ZSWIM8: variants seen among roughly 807,000 people sequenced by gnomAD.
ZSWIM8 encodes zinc finger SWIM domain-containing protein 8.
A neutral mutation model predicts 173.7 loss-of-function variants in ZSWIM8; 27 were observed. The observed-to-expected ratio is 0.16, with a 90% CI of 0.11 to 0.21. The LOEUF (loss-of-function observed/expected upper bound fraction) is 0.21. ZSWIM8 is among the 10% of genes least tolerant of loss of function. ZSWIM8 has a pLI of 1.00. For missense variants in ZSWIM8, 1,627 were observed against 2,428.8 expected, an observed-to-expected ratio of 0.67 and a Z score of 6.94; for synonymous variants, 958 against 962.0, an observed-to-expected ratio of 1.00 and a Z score of 0.08.
In ZSWIM8 at chr10:73,800,402, CGAG is replaced by C. The variant is rs765392520; in HGVS notation, c.4939_4941del (p.Glu1647del). 126 of 1,613,840 alleles carry C rather than the reference CGAG, an allele frequency of 7.8e-5. 3 individuals are homozygous for C. The highest frequency in any genetic ancestry group is 7.7e-4 in the South Asian group (70 of 91,082). ...TGGTGAGCGGAGGTTTTCCACCGCC[CGAG>C]GAGGAGACACACAGTCAGCCAGTCA... On this transcript the variant is annotated inframe_deletion, in exon 23 of 26. Transcript: ENST00000604729. The surrounding 1 kb of genome is among the most constrained non-coding windows in gnomAD (Gnocchi z 4.1).
In ZSWIM8 at chr10:73,792,226, C is replaced by T. The variant is rs373447983; in HGVS notation, c.1687C>T (p.Pro563Ser). The T allele has an allele frequency of 2.1e-5, 33 of 1,555,278 alleles. No homozygotes were observed. In the African/African-American group the frequency reaches 4.2e-4, roughly 20 times the overall value. Residue 563 changes from proline (P) to serine (S), a missense_variant, in exon 10 of 26, where the codon CCC (proline) becomes TCC (serine). Physicochemically the swap from Pro to Ser is moderately conservative, Grantham distance 74. Around this residue, in one of 18 missense-constraint regions of ZSWIM8, gnomAD observed 383 missense variants for 394.8 expected, o/e 0.97. Transcript: ENST00000604729. The surrounding 1 kb of genome is among the most constrained non-coding windows in gnomAD (Gnocchi z 4.3). ...GEGVPSSQRG[P>S]RRLSAEGGDK... ...GGGGGTCCCCTCATCACAGCGGGGT[C>T]CCCGCCGCCTCTCAGCTGAAGGGGG...
In ZSWIM8 at chr10:73,788,666, A is replaced by G. The variant is rs781136126; in HGVS notation, c.209-4A>G. 2.5e-6 allele frequency: 4 copies of G among 1,613,806 alleles called. No individual in the cohort carries two copies. Among genetic ancestry groups the G allele is most frequent in the Non-Finnish European group, 3.4e-6 (4 of 1,179,784 alleles). Reference sequence around the variant, plus strand: ...TCCCCTGATCCCAACCATTGTTTGCAAAGATGGACTGGTGATCCCATTGGT... The same window carrying G: ...TCCCCTGATCCCAACCATTGTTTGCGAAGATGGACTGGTGATCCCATTGGT... On this transcript the variant is annotated splice_region_variant and splice_polypyrimidine_tract_variant and intron_variant, in intron 1 of 25. Transcript: ENST00000604729.
chr10:73,790,376 G>A, intron 7 of ZSWIM8, 84 bp downstream of exon 7: 1 of 1,514,240 alleles, frequency 6.6e-7, no homozygotes, highest in Non-Finnish European at 8.8e-7. Flanking sequence ...TTCTATTCAT[G>A]CCTGTGACCC....
intron 19 of ZSWIM8, 74 bp from the exon 20 acceptor site, chr10:73,798,156 T>C (rs2083753997): frequency 6.3e-7 from 1 of 1,594,166 alleles, no homozygotes; most frequent in African/African-American, 1.3e-5. Flanking sequence ...ACTGATCTGA[T>C]AAAAAGACAT....
chr10:73,798,525 G>C, intron 20 of ZSWIM8, 72 bp downstream of exon 20: 1 of 1,381,286 alleles, frequency 7.2e-7, no homozygotes, highest in East Asian at 2.4e-5. Flanking sequence ...GGAAAGCTAA[G>C]GGCCCAGCTC....
chr10:73,788,803 T>C lies in ZSWIM8; in HGVS notation c.342T>C (p.Pro114=). ...LQLRIAFWSF[P]ENEEDIRLYS... ...TCCGAATTGCTTTTTGGAGCTTCCC[T>C]GAGAATGAAGAGGACATTCGGTGAG... The change falls in exon 2 of 26, where the codon CCT becomes CCC. Residue 114 remains proline, a synonymous_variant. Transcript: ENST00000604729. The C allele has an allele frequency of 6.2e-7, 1 of 1,613,846 alleles. No homozygotes were observed. Among genetic ancestry groups the C allele is most frequent in the Non-Finnish European group, 8.5e-7 (1 of 1,179,882 alleles).
At chr10:73,795,510 C>T (rs373126105) in intron 14 of ZSWIM8, 29 bp from the exon 15 acceptor site, 1 of 1,612,704 alleles carries the variant, frequency 6.2e-7, no homozygotes, top group Non-Finnish European at 8.5e-7. Flanking sequence ...TGACTACTCT[C>T]AATCCCCATA....
Position 73,801,548 on chromosome 10 carries a change from G to C in ZSWIM8, c.*29G>C, listed in dbSNP as rs759937767. ...TTTCACCCTTAGGGTCCTATACAGG[G>C]ACCCAGGCCTGTGGCTATGGGGGCC... On this transcript the variant is annotated 3_prime_UTR_variant, in exon 26 of 26. Transcript: ENST00000604729. The surrounding 1 kb of genome is among the most constrained non-coding windows in gnomAD (Gnocchi z 4.9). 1.2e-6 allele frequency: 2 copies of C among 1,610,596 alleles called. No individual in the cohort carries two copies. Among genetic ancestry groups the C allele is most frequent in the Admixed American group, 3.4e-5 (2 of 59,584 alleles).
In ZSWIM8 at chr10:73,801,090, C is replaced by T. The variant is rs985086645; in HGVS notation, c.5196C>T (p.Ile1732=). 9 of 1,570,690 alleles carry T rather than the reference C, an allele frequency of 5.7e-6. No individual in the cohort carries two copies. Among genetic ancestry groups the T allele is most frequent in the African/African-American group, 1.4e-5 (1 of 73,796 alleles). ...GVLSPFVLQE[I]VMETLQRLSP... ...TGAGCCCGTTTGTGCTGCAGGAGATCGTCATGGAGACGCTGCAGCGGCTGA... is the reference window on the plus strand; with the variant it reads ...TGAGCCCGTTTGTGCTGCAGGAGATTGTCATGGAGACGCTGCAGCGGCTGA... Residue 1732 remains isoleucine, a synonymous_variant, in exon 25 of 26, where the codon ATC becomes ATT. Transcript: ENST00000604729. This position sits in a 1 kb window ranked among gnomAD's most constrained non-coding sequence, Gnocchi z 4.9.
chr10:73,789,346 C>A lies in ZSWIM8; in HGVS notation c.458-21C>A. 1 of 1,553,612 alleles carries A rather than the reference C, an allele frequency of 6.4e-7. No individual in the cohort carries two copies. The highest frequency in any genetic ancestry group is 8.7e-7 in the Non-Finnish European group (1 of 1,147,916). On this transcript the variant is annotated intron_variant, in intron 3 of 25. Coordinates refer to ENST00000604729, the MANE Select transcript of ZSWIM8 (RefSeq NM_001367799.1). This position sits in a 1 kb window ranked among gnomAD's most constrained non-coding sequence, Gnocchi z 6.8. ...CCAGGTCCTGACAGCACTCCCTGACCATGCCCCCATTTCTCCCCAGGGTTC... is the reference window on the plus strand; with the variant it reads ...CCAGGTCCTGACAGCACTCCCTGACAATGCCCCCATTTCTCCCCAGGGTTC...
intron 20 of ZSWIM8, 133 bp from the exon 21 acceptor site, chr10:73,798,869 C>CT (rs2083789183): frequency 7.9e-7 from 1 of 1,260,202 alleles, no homozygotes; most frequent in African/African-American, 1.5e-5. Context: ...ATAATGGACT[C>CT]TAAGCATTGA....
chr10:73,799,256 G>A lies in ZSWIM8; in HGVS notation c.4431G>A (p.Ala1477=), dbSNP rs535858180. The change falls in exon 21 of 26, where the codon GCG becomes GCA. Residue 1477 remains alanine, a synonymous_variant. Transcript: ENST00000604729. ...GPGTEPVTVA[A]AAVTAAATVV... ...GGACTGAGCCGGTTACAGTGGCAGC[G>A]GCAGCAGTGACAGCAGCAGCCACAG... 108 of 1,599,806 alleles carry A rather than the reference G, an allele frequency of 6.8e-5. No individual in the cohort carries two copies. Among genetic ancestry groups the A allele is most frequent in the Middle Eastern group, 5.0e-4 (3 of 6,040 alleles).
Position 73,796,986 on chromosome 10 carries a change from T to G in ZSWIM8, c.3246T>G (p.Thr1082=). ...GSVAGAGPGP[T]EGFTEKNVPE... is the part of the protein sequence containing the mutation. ...TGGCAGGGGCTGGGCCAGGCCCCAC[T>G]GAGGGCTTCACAGAGAAGAATGTGC... The change falls in exon 16 of 26, where the codon ACT becomes ACG. Residue 1082 remains threonine, a synonymous_variant. Coordinates refer to ENST00000604729, the MANE Select transcript of ZSWIM8 (RefSeq NM_001367799.1). The G allele has an allele frequency of 6.2e-7, 1 of 1,612,524 alleles. No homozygotes were observed.
intron 14 of ZSWIM8, chr10:73,794,926 TAAAAAAAA>T (rs34754583): frequency 1.6e-4 from 15 of 91,704 alleles, no homozygotes; most frequent in African/African-American, 2.1e-4. Context: ...CATCTCTACT[TAAAAAAAA>T]AAAAAAAAAA....
At position 73,792,631 on chromosome 10, in the gene ZSWIM8, A is replaced by C. The variant is rs2083459455; in HGVS notation, c.2092A>C (p.Thr698Pro). The C allele has an allele frequency of 3.7e-6, 6 of 1,613,960 alleles. 1 individual carries two copies. The Middle Eastern group carries it at 8.2e-4, about 222-fold the overall frequency. Residue 698 changes from threonine to proline, a missense_variant, in exon 10 of 26, where the codon ACC (threonine) becomes CCC (proline). By Grantham distance (38) the Thr-to-Pro change is conservative. This residue lies in a region of ZSWIM8 where 383 missense variants were observed against 394.8 expected (regional missense o/e 0.97). Transcript: ENST00000604729. This position sits in a 1 kb window ranked among gnomAD's most constrained non-coding sequence, Gnocchi z 4.3. ...TGGCCTACTGCCTGGGGATGTCTGT[A>C]CCCAGGACGACCTCCCTTCTACAGA... ...PPGLLPGDVCTQDDLPSTDES... is the reference protein window; with the variant it reads ...PPGLLPGDVCPQDDLPSTDES...
intron 7 of ZSWIM8, among the ~76,000 whole-genome samples, chr10:73,790,617 C>T (rs1421852412): frequency 3.3e-5 from 5 of 152,098 alleles, no homozygotes; most frequent in East Asian, 1.9e-4. Context: ...GGGAGGCTGA[C>T]GTGGGCAGAT....
At chr10:73,790,658 G>A (rs1048860288) in intron 7 of ZSWIM8, among the ~76,000 whole-genome samples, 1 of 152,156 alleles carries the variant, frequency 6.6e-6, no homozygotes, top group Non-Finnish European at 1.5e-5. Flanking sequence ...AGACCAGCCT[G>A]GCCAACATGG....
intron 11 of ZSWIM8, 45 bp from the exon 12 acceptor site, chr10:73,793,819 TA>T: frequency 6.4e-7 from 1 of 1,567,878 alleles, no homozygotes; most frequent in Non-Finnish European, 8.6e-7. Flanking sequence ...TCCACCAAGG[TA>T]AGTCAGAATC....
Position 73,794,540 on chromosome 10 carries a change from G to C in ZSWIM8, c.2810-1G>C, listed in dbSNP as rs2083540948. 7 of 1,562,724 alleles carry C rather than the reference G, an allele frequency of 4.5e-6. No homozygotes were observed. The highest frequency in any genetic ancestry group is 6.1e-6 in the Non-Finnish European group (7 of 1,152,696). The stretch of plus-strand genomic sequence containing the variant: ...CCTGACTTACCCCAACTTTTATACA[G>C]TGGTTTCTCCCACAGGTTCCCGGCC... On this transcript the variant is annotated splice_acceptor_variant, in intron 13 of 25. Transcript: ENST00000604729. LOFTEE classifies it high-confidence loss of function.
Sources: gnomAD v4.1 joint callset for allele counts (sites outside exome capture counted in the v4.1 genomes callset) on GRCh38, gnomAD v4.1.1 for gene constraint, gnomAD v4.1.1 regional missense constraint, Gnocchi (gnomAD v3.1) non-coding constraint, MANE v1.5 for transcripts, NCBI Gene and HGNC (gene_info 2026-07-23, HGNC 2026-07-21) for gene names.